SVIL: variants seen among roughly 807,000 people sequenced by gnomAD.
SVIL encodes the protein archvillin.
In SVIL, 101 loss-of-function variants were observed where a neutral mutation model predicts 240.4. That is an observed-to-expected ratio of 0.42 (90% CI 0.36 to 0.50). SVIL has a LOEUF of 0.50. Ranked by LOEUF, SVIL falls within the 20% of genes least tolerant of loss-of-function variation. The pLI, the probability that SVIL is intolerant of heterozygous loss-of-function variation, is 0.01. For missense variants in SVIL, 2,512 were observed against 2,818.7 expected (o/e 0.89, Z 2.46); for synonymous variants, 999 against 1,100.0 (o/e 0.91, Z 1.82).
At chr10:29,547,973 A>C (rs1952848216) in intron 6 of SVIL, among the ~76,000 whole-genome samples, 1 of 152,222 alleles carries the variant, frequency 6.6e-6, no homozygotes. Context: ...TGAAATGCAA[A>C]TTCCTCAAAC....
intron 1 of SVIL, among the ~76,000 whole-genome samples, chr10:29,720,834 T>C (rs954299700): frequency 6.6e-6 from 1 of 152,230 alleles, no homozygotes; most frequent in Non-Finnish European, 1.5e-5. Flanking sequence ...CTTAAAGATG[T>C]ATACTCTAAA....
rs199584954 is a variant in SVIL at position 29,458,511 on chromosome 10, C to T, written c.6481G>A (p.Asp2161Asn). The stretch of plus-strand genomic sequence containing the variant: ...TCCGGGAGTGGCCTGGCCAGGAGGT[C>T]GGCCAGCGGGTAAATGGTTTTACAG... ...KLCKTIYPLA[D>N]LLARPLPEGV... Residue 2161 changes from aspartate to asparagine, a missense_variant, in exon 37 of 38, where the codon GAC (aspartate) becomes AAC (asparagine). Asp to Asn is a conservative substitution (Grantham distance 23). Around this residue, in one of 3 missense-constraint regions of SVIL, gnomAD observed 797 missense variants for 925.3 expected, o/e 0.86. Coordinates refer to ENST00000355867, the MANE Select transcript of SVIL (RefSeq NM_021738.3). The T allele has an allele frequency of 5.4e-5, 86 of 1,596,948 alleles. No homozygotes were observed. The highest frequency in any genetic ancestry group is 3.3e-4 in the Middle Eastern group (2 of 5,984).
At position 29,687,352 on chromosome 10, in the gene SVIL, G is replaced by A. The variant is rs78042344; in HGVS notation, c.-399-701C>T. On this transcript the variant is annotated intron_variant, in intron 1 of 35. Coordinates refer to the SVIL transcript ENST00000375400. ...TTTCTCTTCAAACATTCACCTTACCGTATGCAAAATGTAGATTTACTGGGC... is the reference window on the plus strand; with the variant it reads ...TTTCTCTTCAAACATTCACCTTACCATATGCAAAATGTAGATTTACTGGGC... 1.7e-3 allele frequency among the ~76,000 whole-genome samples: 264 copies of A among 152,156 alleles called. 7 individuals carry two copies. The East Asian group carries it at 0.045, about 26-fold the overall frequency.
At chr10:29,692,753 A>G (rs1247976075) in intron 1 of SVIL, among the ~76,000 whole-genome samples, 1 of 151,956 alleles carries the variant, frequency 6.6e-6, no homozygotes, top group African/African-American at 2.4e-5. Context: ...TCAGCCTCCC[A>G]AGGTGTTGGA....
intron 3 of SVIL, among the ~76,000 whole-genome samples, chr10:29,643,803 C>T (rs1397184270): frequency 6.6e-6 from 1 of 152,088 alleles, no homozygotes; most frequent in Non-Finnish European, 1.5e-5. Flanking sequence ...CACTGATGAG[C>T]CAGCCAACTT....
At chr10:29,601,320 T>C (rs1247161687) in intron 1 of SVIL, among the ~76,000 whole-genome samples, 1 of 152,218 alleles carries the variant, frequency 6.6e-6, no homozygotes, top group Non-Finnish European at 1.5e-5. Flanking sequence ...CTGAAAATTA[T>C]AAAGCTTAAA....
At chr10:29,724,227 T>C (rs997888221) in intron 1 of SVIL, among the ~76,000 whole-genome samples, 1 of 150,226 alleles carries the variant, frequency 6.7e-6, no homozygotes, top group Non-Finnish European at 1.5e-5. Context: ...TGGAACCAAT[T>C]TGTTCATGGA....
intron 5 of SVIL, 150 bp downstream of exon 5, chr10:29,554,633 T>C (rs1210536943): frequency 9.7e-7 from 1 of 1,026,536 alleles, no homozygotes; most frequent in African/African-American, 1.6e-5. Context: ...CCAGCCTGTG[T>C]GACAGAGTGA....
Position 29,558,086 on chromosome 10 carries a change from C to G in SVIL, c.-50-2978G>C, listed in dbSNP as rs141866597. 8.2e-3 allele frequency among the ~76,000 whole-genome samples: 1,243 copies of G among 152,264 alleles called. 17 individuals carry two copies. The highest frequency in any genetic ancestry group is 0.013 in the Non-Finnish European group (870 of 68,012). On this transcript the variant is annotated intron_variant, in intron 3 of 37. Transcript: ENST00000355867. The stretch of plus-strand genomic sequence containing the variant: ...AGAACCATTGAGAATCACTGATTCC[C>G]CAGTACTAGAATTTCAAATACACAG...
rs772933519 is a variant in SVIL at position 29,499,215 on chromosome 10, G to C, written c.3565C>G (p.Gln1189Glu). Residue 1189 changes from glutamine to glutamate, a missense_variant, in exon 18 of 38, where the codon CAG becomes GAG. Coordinates refer to ENST00000355867, the MANE Select transcript of SVIL (RefSeq NM_021738.3). ...GCCTCCTCTCTCACAGTGATGAGCTGCTTCCTCTCCTCAATCGTCATTTGG... is the reference window on the plus strand; with the variant it reads ...GCCTCCTCTCTCACAGTGATGAGCTCCTTCCTCTCCTCAATCGTCATTTGG... ...ESQMTIEERK[Q>E]LITVREEAWK... is the part of the protein sequence containing the mutation. 1 of 1,614,176 alleles carries C rather than the reference G, an allele frequency of 6.2e-7. No homozygotes were observed. Among genetic ancestry groups the C allele is most frequent in the Admixed American group, 1.7e-5 (1 of 60,024 alleles).
rs186857423 is a variant in SVIL at position 29,496,479 on chromosome 10, A to T, written c.3665-1298T>A. On this transcript the variant is annotated intron_variant, in intron 18 of 37. Transcript: ENST00000355867. ...ACTCCGCAGCTAATGAACAGGACTG[A>T]CTCTGAAGGCTGGTTTCCAAAGCAA... 109 of 440,258 alleles carry T rather than the reference A, an allele frequency of 2.5e-4. 1 individual carries two copies. Among genetic ancestry groups the T allele is most frequent in the African/African-American group, 2.1e-3 (102 of 49,506 alleles). The allele number at this position is 440,258 out of a possible 1,614,324, so 27.3% of individuals were successfully genotyped here.
intron 1 of SVIL, among the ~76,000 whole-genome samples, chr10:29,579,464 A>G (rs1955844972): frequency 6.6e-6 from 1 of 150,990 alleles, no homozygotes. Flanking sequence ...CAAACAAAAC[A>G]AAAAACAAAA....
intron 5 of SVIL, among the ~76,000 whole-genome samples, chr10:29,552,871 A>ACTAT (rs1352637865): frequency 1.3e-5 from 2 of 152,178 alleles, no homozygotes; most frequent in Non-Finnish European, 2.9e-5. Flanking sequence ...TTTTCTCACT[A>ACTAT]CTATGTGAAG....
intron 1 of SVIL, among the ~76,000 whole-genome samples, chr10:29,587,135 T>C (rs1406864877): frequency 2.6e-5 from 4 of 152,226 alleles, no homozygotes; most frequent in African/African-American, 9.6e-5. Context: ...GAAGAAAGCC[T>C]CGTACCATTC....
intron 1 of SVIL, among the ~76,000 whole-genome samples, chr10:29,588,919 C>T (rs189703084): frequency 1.3e-5 from 2 of 152,108 alleles, no homozygotes; most frequent in African/African-American, 2.4e-5. Flanking sequence ...CCCCACCCCC[C>T]CTTTTATTCC....
intron 36 of SVIL, among the ~76,000 whole-genome samples, chr10:29,462,006 C>A (rs1400066219): frequency 1.3e-5 from 2 of 152,194 alleles, no homozygotes; most frequent in African/African-American, 4.8e-5. Context: ...CTTTTATGTA[C>A]ATATATAGTC....
rs1338018088 is a variant in SVIL, at chr10:29,498,108, A to G, written c.3664+1008T>C. Among the ~76,000 whole-genome samples the G allele has an allele frequency of 4.7e-5, 7 of 148,546 alleles. No individual in the cohort carries two copies. The East Asian group carries it at 1.2e-3, about 25-fold the overall frequency. On this transcript the variant is annotated intron_variant, in intron 18 of 37. Coordinates refer to ENST00000355867, the MANE Select transcript of SVIL (RefSeq NM_021738.3). ...TCCACCAAAAAAAAAAAAAAAAAAA[A>G]AAAAAAAAAGAAAAAAGTAATTATG...
intron 1 of SVIL, among the ~76,000 whole-genome samples, chr10:29,589,272 G>A (rs1464372771): frequency 1.3e-5 from 2 of 152,128 alleles, no homozygotes; most frequent in Non-Finnish European, 2.9e-5. Context: ...GCACGGCCTC[G>A]ACACTGAAGC....
intron 18 of SVIL, among the ~76,000 whole-genome samples, chr10:29,495,422 G>A (rs1948356806): frequency 6.6e-6 from 1 of 152,176 alleles, no homozygotes; most frequent in Non-Finnish European, 1.5e-5. Context: ...ATTCCAAAAT[G>A]AACGGTGGAG....
Sources: allele counts gnomAD v4.1 joint callset (sites outside exome capture counted in the v4.1 genomes callset), GRCh38; gene constraint gnomAD v4.1.1; regional missense constraint gnomAD v4.1.1; transcripts MANE v1.5; gene names NCBI Gene and HGNC (gene_info 2026-07-23, HGNC 2026-07-21).